The following SRRM3 variants were observed in gnomAD, a reference collection of about 807,000 sequenced individuals.
The protein encoded by SRRM3 is serine/arginine repetitive matrix 3, also known as serine/arginine repetitive matrix protein 3.
In SRRM3, 27 loss-of-function variants were observed where a neutral mutation model predicts 66.2. The ratio of observed to expected loss-of-function variants is 0.41; its 90% CI spans 0.30 to 0.56. The LOEUF (loss-of-function observed/expected upper bound fraction) is 0.56. Among genes scored for constraint, SRRM3 ranks in the 20% least tolerant of loss-of-function variants. The pLI, the probability that SRRM3 is intolerant of heterozygous loss-of-function variation, is 0.32. For synonymous variants in SRRM3, 391 were observed against 414.9 expected (o/e 0.94, Z 0.70); for missense variants, 918 against 991.9 (o/e 0.93, Z 1.00).
chr7:76,211,576 G>C (rs368310440), intron 1 of SRRM3, among the ~76,000 whole-genome samples: 1 of 152,180 alleles, frequency 6.6e-6, no homozygotes, highest in African/African-American at 2.4e-5. Flanking sequence ...GGAGACAACA[G>C]GGGGCCTGCG....
chr7:76,220,627 C>G (rs1251919024), intron 1 of SRRM3, among the ~76,000 whole-genome samples: 1 of 152,162 alleles, frequency 6.6e-6, no homozygotes, highest in African/African-American at 2.4e-5. Context: ...AGGGTCAGCC[C>G]GAGTCCTGCC....
chr7:76,249,203 T>C (rs1030438260), intron 3 of SRRM3, among the ~76,000 whole-genome samples: 8 of 151,812 alleles, frequency 5.3e-5, no homozygotes, highest in Non-Finnish European at 1.2e-4. Context: ...CTGAGCAACA[T>C]GGTGAAACTC....
At chr7:76,209,032 A>G (rs1267968874) in intron 1 of SRRM3, among the ~76,000 whole-genome samples, 3 of 152,050 alleles carry the variant, frequency 2.0e-5, no homozygotes, top group Non-Finnish European at 4.4e-5. Context: ...CCAGAAAGTC[A>G]AGGCTGCAAC....
chr7:76,278,904 C>T (rs1554611494), intron 11 of SRRM3, among the ~76,000 whole-genome samples: 1 of 152,200 alleles, frequency 6.6e-6, no homozygotes, highest in African/African-American at 2.4e-5. Flanking sequence ...TCCTTCCAGT[C>T]CCTAGCGGCA....
chr7:76,277,716 CAAAAAA>C (rs386353056), intron 11 of SRRM3, among the ~76,000 whole-genome samples: 37 of 102,782 alleles, frequency 3.6e-4, no homozygotes, highest in African/African-American at 7.6e-4. Context: ...TAAACAACAA[CAAAAAA>C]AAAAAAAAAA....
intron 2 of SRRM3, 122 bp downstream of exon 2, chr7:76,235,421 G>T (rs1160087306): frequency 3.3e-6 from 3 of 904,340 alleles, no homozygotes; most frequent in Non-Finnish European, 4.8e-6. Flanking sequence ...GGGGCTAGGG[G>T]CTATTAGGGC....
At position 76,234,908 on chromosome 7, in the gene SRRM3, A is replaced by G. The variant is rs1801103511; in HGVS notation, c.-39-120A>G. ...CGTCCGCTTCCCTCTGCACCAGGAAAGGAAGCGGATTAGAGCCATGAGTGT... is the reference window on the plus strand; with the variant it reads ...CGTCCGCTTCCCTCTGCACCAGGAAGGGAAGCGGATTAGAGCCATGAGTGT... On this transcript the variant is annotated intron_variant, in intron 1 of 14. Transcript: ENST00000611745. The G allele has an allele frequency of 4.7e-6, 3 of 641,774 alleles. No individual in the cohort carries two copies. The South Asian group carries it at 6.2e-5, about 13-fold the overall frequency. The allele number at this position is 641,774 out of a possible 1,614,324, so 39.8% of individuals were successfully genotyped here.
At chr7:76,235,442 G>A in intron 2 of SRRM3, 143 bp downstream of exon 2, 1 of 776,386 alleles carries the variant, frequency 1.3e-6, no homozygotes, top group East Asian at 2.9e-5. Context: ...GGAGTCGGGC[G>A]ACTGTGGGAA....
At chr7:76,226,597 T>A (rs1402900675) in intron 1 of SRRM3, among the ~76,000 whole-genome samples, 9 of 135,782 alleles carry the variant, frequency 6.6e-5, no homozygotes, top group African/African-American at 2.3e-4. Flanking sequence ...TATTTATTTA[T>A]TTTATTTTTT....
intron 3 of SRRM3, among the ~76,000 whole-genome samples, chr7:76,258,440 C>T (rs901764522): frequency 8.5e-5 from 13 of 152,078 alleles, no homozygotes; most frequent in Admixed American, 2.0e-4. Context: ...GTTTGCCGGG[C>T]GCGGTGGCTC....
chr7:76,217,551 G>C (rs1236410232), intron 1 of SRRM3, among the ~76,000 whole-genome samples: 1 of 152,090 alleles, frequency 6.6e-6, no homozygotes, highest in Non-Finnish European at 1.5e-5. Context: ...TCCCAATCAC[G>C]CTGGGATTAC....
intron 10 of SRRM3, among the ~76,000 whole-genome samples, chr7:76,266,264 T>TATAAATATTTA (rs1563635066): frequency 1.6e-5 from 1 of 62,120 alleles, no homozygotes; most frequent in African/African-American, 4.9e-5. Context: ...TTTAATATAT[T>TATAAATATTTA]TATATTTAAT....
At chr7:76,252,718 T>C (rs1012601779) in intron 3 of SRRM3, among the ~76,000 whole-genome samples, 1 of 152,210 alleles carries the variant, frequency 6.6e-6, no homozygotes, top group Non-Finnish European at 1.5e-5. Flanking sequence ...ACTCAACGTA[T>C]ATGCTTTACT....
intron 3 of SRRM3, among the ~76,000 whole-genome samples, chr7:76,251,418 A>G (rs1273001691): frequency 2.0e-5 from 3 of 147,768 alleles, no homozygotes; most frequent in Non-Finnish European, 3.0e-5. Context: ...TCTGTCACCC[A>G]GGCTGGAGTG....
At chr7:76,245,271 G>A (rs1801409705) in intron 2 of SRRM3, among the ~76,000 whole-genome samples, 1 of 152,150 alleles carries the variant, frequency 6.6e-6, no homozygotes, top group African/African-American at 2.4e-5. Flanking sequence ...AAGGAGCAGA[G>A]GGAAGCAGGG....
chr7:76,218,028 A>G (rs1360383033), intron 1 of SRRM3, among the ~76,000 whole-genome samples: 1 of 152,194 alleles, frequency 6.6e-6, no homozygotes, highest in Non-Finnish European at 1.5e-5. Flanking sequence ...TCCAGATAAG[A>G]GAAACTGAGG....
Position 76,263,643 on chromosome 7 carries a change from T to A in SRRM3, c.675-1122T>A, listed in dbSNP as rs981861066. The stretch of plus-strand genomic sequence containing the variant: ...GGAGGGCTGAGGTGGGCAGATCACT[T>A]GAGGCCAGGAGTTCGAGACCAGCCT... On this transcript the variant is annotated intron_variant, in intron 8 of 14. Transcript: ENST00000611745. Among the ~76,000 whole-genome samples the A allele has an allele frequency of 3.7e-4, 57 of 152,020 alleles. 1 individual carries two copies. Among genetic ancestry groups the A allele is most frequent in the African/African-American group, 1.3e-3 (55 of 41,390 alleles).
chr7:76,283,422 G>C, intron 14 of SRRM3: 1 of 514,264 alleles, frequency 1.9e-6, no homozygotes, highest in South Asian at 1.8e-5. Flanking sequence ...AGCCGGCATG[G>C]AATTCAGCTC....
intron 10 of SRRM3, among the ~76,000 whole-genome samples, chr7:76,265,916 T>C (rs1554609536): frequency 1.8e-5 from 1 of 56,016 alleles, no homozygotes; most frequent in Non-Finnish European, 2.5e-5. Flanking sequence ...TCGCCCAGGC[T>C]GGAGTGCAGT....
Sources: allele counts gnomAD v4.1 joint callset (sites outside exome capture counted in the v4.1 genomes callset), GRCh38; gene constraint gnomAD v4.1.1; transcripts MANE v1.5; gene names NCBI Gene and HGNC (gene_info 2026-07-23, HGNC 2026-07-21).